The following NTM variants were observed in gnomAD, a reference collection of about 807,000 sequenced individuals.
NTM encodes IgLON family member 2.
NTM carries 13 observed loss-of-function variants against 42.1 expected under a neutral mutation model. The ratio of observed to expected loss-of-function variants is 0.31; its 90% CI spans 0.20 to 0.49. The LOEUF (loss-of-function observed/expected upper bound fraction) is 0.49. NTM is among the 20% of genes least tolerant of loss of function. The pLI is 0.99. For synonymous variants in NTM, 187 were observed against 179.2 expected, an observed-to-expected ratio of 1.04 and a Z score of -0.35; for missense variants, 373 against 452.8, an observed-to-expected ratio of 0.82 and a Z score of 1.60.
chr11:131,927,404 A>G (rs2058082734), intron 2 of NTM, among the ~76,000 whole-genome samples: 3 of 152,214 alleles, frequency 2.0e-5, no homozygotes, highest in South Asian at 2.1e-4. Context: ...CCTTGGAGCC[A>G]TTGTCAAAAA....
At chr11:131,400,561 G>T (rs942173433) in intron 1 of NTM, among the ~76,000 whole-genome samples, 1 of 152,174 alleles carries the variant, frequency 6.6e-6, no homozygotes, top group Non-Finnish European at 1.5e-5. Context: ...TCAACTATTA[G>T]ATGATTTTGA....
chr11:131,649,181 CAG>C (rs2066150241), intron 1 of NTM, among the ~76,000 whole-genome samples: 1 of 152,162 alleles, frequency 6.6e-6, no homozygotes, highest in Non-Finnish European at 1.5e-5. Context: ...CACCTTTCCC[CAG>C]ATCCTAAGCA....
At chr11:131,540,642 T>C (rs1262234628) in intron 1 of NTM, 1 of 152,236 alleles carries the variant, frequency 6.6e-6, no homozygotes, top group African/African-American at 2.4e-5. Context: ...TCACATCCTC[T>C]TGTGCAGCAT....
At chr11:131,676,781 T>G (rs73583652) in intron 1 of NTM, among the ~76,000 whole-genome samples, 5,580 of 152,264 alleles carry the variant, frequency 0.037, 336 homozygotes, top group African/African-American at 0.13. Flanking sequence ...ATGCACCTTC[T>G]AAGAACAAGG....
chr11:132,260,505 T>A (rs2092781192), intron 4 of NTM, among the ~76,000 whole-genome samples: 1 of 152,134 alleles, frequency 6.6e-6, no homozygotes, highest in African/African-American at 2.4e-5. Flanking sequence ...ATGTGGATGA[T>A]GTAATTAGAA....
chr11:131,449,197 T>C (rs753997465), intron 1 of NTM, among the ~76,000 whole-genome samples: 23 of 152,294 alleles, frequency 1.5e-4, no homozygotes, highest in South Asian at 1.2e-3. Flanking sequence ...GTAATGGAGC[T>C]GCCGTGCAGT....
At chr11:131,748,720 T>A (rs2082123914) in intron 1 of NTM, among the ~76,000 whole-genome samples, 1 of 152,212 alleles carries the variant, frequency 6.6e-6, no homozygotes, top group African/African-American at 2.4e-5. Flanking sequence ...TTTAATTTAT[T>A]TAATCCGATG....
intron 1 of NTM, among the ~76,000 whole-genome samples, chr11:131,529,115 A>C (rs1312423966): frequency 1.3e-5 from 2 of 152,194 alleles, no homozygotes; most frequent in African/African-American, 4.8e-5. Context: ...AGAAGCTGTC[A>C]TGCAGTTTCT....
intron 2 of NTM, among the ~76,000 whole-genome samples, chr11:132,008,907 T>C (rs928381654): frequency 1.3e-5 from 2 of 151,956 alleles, no homozygotes; most frequent in Admixed American, 1.3e-4. Flanking sequence ...GGAGTTTCTT[T>C]TCCCTTTTTA....
intron 1 of NTM, among the ~76,000 whole-genome samples, chr11:131,687,933 AT>A (rs1163730180): frequency 2.0e-5 from 3 of 152,148 alleles, no homozygotes; most frequent in Non-Finnish European, 4.4e-5. Flanking sequence ...CAGTGGACGT[AT>A]TTTTAAAAGA....
intron 3 of NTM, among the ~76,000 whole-genome samples, chr11:132,206,224 G>A (rs893100740): frequency 2.6e-5 from 4 of 152,068 alleles, no homozygotes; most frequent in African/African-American, 9.7e-5. Flanking sequence ...AAAAAATTAC[G>A]ACATTTCTTT....
intron 1 of NTM, among the ~76,000 whole-genome samples, chr11:131,377,611 T>A (rs188786887): frequency 6.6e-6 from 1 of 152,356 alleles, no homozygotes; most frequent in East Asian, 1.9e-4. Flanking sequence ...CCTGGAATAA[T>A]ACAAATGCAT....
chr11:131,469,025 C>A (rs1952165863), intron 1 of NTM, among the ~76,000 whole-genome samples: 1 of 152,216 alleles, frequency 6.6e-6, no homozygotes, highest in Non-Finnish European at 1.5e-5. Context: ...TACCCATGGC[C>A]TGTGGCTCTA....
At chr11:131,635,487 TAAAG>T (rs914925052) in intron 1 of NTM, among the ~76,000 whole-genome samples, 9 of 152,090 alleles carry the variant, frequency 5.9e-5, no homozygotes, top group African/African-American at 2.2e-4. Flanking sequence ...AATAAGGATA[TAAAG>T]AAAGATAATG....
intron 1 of NTM, among the ~76,000 whole-genome samples, chr11:131,683,052 T>C (rs376902052): frequency 1.3e-5 from 2 of 152,210 alleles, no homozygotes; most frequent in African/African-American, 2.4e-5. Flanking sequence ...AGGAATTCTG[T>C]GGCGAAAATA....
At chr11:131,663,865 A>G (rs2068530609) in intron 1 of NTM, among the ~76,000 whole-genome samples, 3 of 152,184 alleles carry the variant, frequency 2.0e-5, no homozygotes, top group Admixed American at 2.0e-4. Flanking sequence ...TCTTCTTACA[A>G]ACAAGAAAAT....
chr11:132,264,467 T>G (rs1168593565), intron 4 of NTM, among the ~76,000 whole-genome samples: 4 of 152,332 alleles, frequency 2.6e-5, no homozygotes, highest in East Asian at 1.9e-4. Context: ...GTCTTTTACT[T>G]TATTTTATAG....
At chr11:132,232,620 C>A (rs538604225) in intron 4 of NTM, among the ~76,000 whole-genome samples, 5 of 152,306 alleles carry the variant, frequency 3.3e-5, no homozygotes, top group East Asian at 3.9e-4. Flanking sequence ...CTTCTCTGAA[C>A]CTTTGTTACC....
chr11:132,309,578 G>T (rs961276869), intron 5 of NTM, among the ~76,000 whole-genome samples: 1 of 152,130 alleles, frequency 6.6e-6, no homozygotes. Flanking sequence ...TGAGTACATG[G>T]TCATTTCAAC....
Sources: allele counts gnomAD v4.1 joint callset (sites outside exome capture counted in the v4.1 genomes callset), GRCh38; gene constraint gnomAD v4.1.1; transcripts MANE v1.5; gene names NCBI Gene and HGNC (gene_info 2026-07-23, HGNC 2026-07-21).